The following RMC1 variants were observed in gnomAD, a reference collection of about 807,000 sequenced individuals.
RMC1 encodes regulator of MON1-CCZ1.
Under a neutral mutation model 95.5 loss-of-function variants are expected in RMC1, and 44 were observed. That is an observed-to-expected ratio of 0.46 (90% CI 0.36 to 0.59). The LOEUF (loss-of-function observed/expected upper bound fraction) is 0.59, where lower values mean the gene tolerates loss of function less well. Ranked by LOEUF, RMC1 falls within the 20% of genes least tolerant of loss-of-function variation. The probability of loss-of-function intolerance (pLI) is 0.00; values close to 1 mark genes in which losing one functional copy is unlikely to be tolerated. For synonymous variants in RMC1, 320 were observed against 303.6 expected (o/e 1.05, Z -0.56); for missense variants, 705 against 819.6 (o/e 0.86, Z 1.71).
chr18:23,503,706 G>A lies in RMC1; in HGVS notation c.88G>A (p.Glu30Lys). 1 of 1,591,334 alleles carries A rather than the reference G, an allele frequency of 6.3e-7. No homozygotes were observed. The highest frequency in any genetic ancestry group is 8.6e-7 in the Non-Finnish European group (1 of 1,169,544). The part of the protein sequence containing the change: ...ANPVNCVFFD[E>K]ANKQVFAVRS... ...CCCTGTCAACTGCGTCTTCTTCGATGAGGCCAACAAGCAGGTCCGGCGCGC... is the reference window on the plus strand; with the variant it reads ...CCCTGTCAACTGCGTCTTCTTCGATAAGGCCAACAAGCAGGTCCGGCGCGC... The change falls in exon 1 of 20, where the codon GAG (glutamate) becomes AAG (lysine). Residue 30 changes from glutamate to lysine, a missense_variant. Transcript: ENST00000269221.
Position 23,524,130 on chromosome 18 carries a change from G to T in RMC1, c.962G>T (p.Gly321Val). 6.2e-7 allele frequency: 1 copy of T among 1,614,022 alleles called. No individual in the cohort carries two copies. Among genetic ancestry groups the T allele is most frequent in the Non-Finnish European group, 8.5e-7 (1 of 1,180,026 alleles). ...GCACTTATGTTTTCTCAATTTGTAGGTCCTGCTGCCGTGACCAGCCAGTCT... is the reference window on the plus strand; with the variant it reads ...GCACTTATGTTTTCTCAATTTGTAGTTCCTGCTGCCGTGACCAGCCAGTCT... The part of the protein sequence containing the change: ...SIQPYQIPIT[G>V]PAAVTSQSPV... Residue 321 changes from glycine to valine, a missense_variant and splice_region_variant, in exon 11 of 20, where the codon GGT (glycine) becomes GTT (valine). Coordinates refer to ENST00000269221, the MANE Select transcript of RMC1 (RefSeq NM_013326.5).
intron 10 of RMC1, among the ~76,000 whole-genome samples, chr18:23,520,675 G>T (rs1277900662): frequency 6.6e-6 from 1 of 151,304 alleles, no homozygotes; most frequent in Non-Finnish European, 1.5e-5. Flanking sequence ...TCACTTTGTT[G>T]CCCAGGCTGG....
chr18:23,519,002 C>G, intron 8 of RMC1, 23 bp downstream of exon 8: 1 of 1,613,242 alleles, frequency 6.2e-7, no homozygotes, highest in Non-Finnish European at 8.5e-7. Context: ...CTTTGTTTTC[C>G]CTCTCTCTCT....
intron 6 of RMC1, 107 bp from the exon 7 acceptor site, chr18:23,516,213 G>T: frequency 7.1e-7 from 1 of 1,411,624 alleles, no homozygotes; most frequent in South Asian, 1.2e-5. Flanking sequence ...CGGTGGAAAG[G>T]ATCCAAAGAC....
intron 19 of RMC1, 94 bp from the exon 20 acceptor site, chr18:23,531,529 AAT>A (rs1206354112): frequency 1.3e-6 from 2 of 1,525,520 alleles, no homozygotes; most frequent in East Asian, 2.3e-5. Flanking sequence ...ATTAAAGAAA[AAT>A]AAGTTAAAAC....
At chr18:23,521,691 C>G (rs529123886) in intron 10 of RMC1, among the ~76,000 whole-genome samples, 1,705 of 71,720 alleles carry the variant, frequency 0.024, 35 homozygotes, top group African/African-American at 0.13. Context: ...CACACACTCT[C>G]TCTCTTTTTT....
At chr18:23,530,672 T>C in intron 19 of RMC1, 60 bp downstream of exon 19, 1 of 1,511,984 alleles carries the variant, frequency 6.6e-7, no homozygotes, top group Non-Finnish European at 9.0e-7. Context: ...CAGAGGGCAC[T>C]GGCAGCTGGT....
intron 19 of RMC1, among the ~76,000 whole-genome samples, chr18:23,531,044 G>T (rs2058486269): frequency 6.6e-6 from 1 of 152,092 alleles, no homozygotes; most frequent in Non-Finnish European, 1.5e-5. Context: ...GCCCAGGCTG[G>T]AGTGCAGTGG....
chr18:23,504,093 CTG>C lies in RMC1; in HGVS notation c.103-276_103-275del, dbSNP rs1327087484. Among the ~76,000 whole-genome samples the C allele has an allele frequency of 2.6e-5, 4 of 152,300 alleles. No homozygotes were observed. The East Asian group carries it at 5.8e-4, about 22-fold the overall frequency. On this transcript the variant is annotated intron_variant, in intron 1 of 19. Transcript: ENST00000269221. ...TGAAATTTTGTAAAGGGGGAAAAGA[CTG>C]TACTTCAGGCGTATCAGCGGCGCCG...
chr18:23,525,928 T>C (rs1219338600), intron 12 of RMC1, among the ~76,000 whole-genome samples: 1 of 152,270 alleles, frequency 6.6e-6, no homozygotes, highest in Admixed American at 6.5e-5. Context: ...TGCATTGTTG[T>C]GCCTTGTCTG....
At chr18:23,528,059 G>A (rs2058359846) in intron 14 of RMC1, 158 bp downstream of exon 14, 1 of 580,336 alleles carries the variant, frequency 1.7e-6, no homozygotes, top group East Asian at 3.0e-5. Context: ...GGGGGATAGT[G>A]GAGGAGTAGT....
At chr18:23,518,013 C>A (rs1043811346) in intron 7 of RMC1, among the ~76,000 whole-genome samples, 1 of 152,220 alleles carries the variant, frequency 6.6e-6, no homozygotes, top group African/African-American at 2.4e-5. Context: ...CCGCCGTGCC[C>A]AGCCAGCATT....
rs200032808 is a variant in RMC1 at position 23,530,262 on chromosome 18, C to A, written c.1633C>A (p.Pro545Thr). 6.2e-7 allele frequency: 1 copy of A among 1,614,092 alleles called. No homozygotes were observed. Among genetic ancestry groups the A allele is most frequent in the Non-Finnish European group, 8.5e-7 (1 of 1,180,026 alleles). ...CLLLSLESFY[P>T]PAHQLSLDML... is the part of the protein sequence containing the mutation. ...GCTGTTATCCCTAGAGAGTTTCTAT[C>A]CTCCTGCTCATCAGCTATCTCTGGA... Residue 545 changes from proline (P) to threonine (T), a missense_variant, in exon 18 of 20, where the codon CCT becomes ACT. Coordinates refer to ENST00000269221, the MANE Select transcript of RMC1 (RefSeq NM_013326.5).
intron 14 of RMC1, 165 bp downstream of exon 14, chr18:23,528,066 T>G (rs1222910470): frequency 1.7e-6 from 1 of 572,024 alleles, no homozygotes; most frequent in Non-Finnish European, 3.0e-6. Flanking sequence ...AGTGGAGGAG[T>G]AGTAAATTCA....
At chr18:23,531,504 A>AAAAC in intron 19 of RMC1, 121 bp from the exon 20 acceptor site, 1 of 1,487,350 alleles carries the variant, frequency 6.7e-7, no homozygotes. Context: ...AAAACTTAGG[A>AAAAC]AAACAATGTA....
chr18:23,530,277 C>T lies in RMC1; in HGVS notation c.1648C>T (p.Leu550=). 1 of 1,614,224 alleles carries T rather than the reference C, an allele frequency of 6.2e-7. No individual in the cohort carries two copies. The highest frequency in any genetic ancestry group is 8.5e-7 in the Non-Finnish European group (1 of 1,180,036). Residue 550 remains leucine, a synonymous_variant, in exon 18 of 20, where the codon CTA becomes TTA. Coordinates refer to ENST00000269221, the MANE Select transcript of RMC1 (RefSeq NM_013326.5). ...GAGTTTCTATCCTCCTGCTCATCAG[C>T]TATCTCTGGACATGCTGAAGGTAAC... ...LESFYPPAHQ[L]SLDMLKRLST...
intron 5 of RMC1, among the ~76,000 whole-genome samples, chr18:23,510,334 C>A (rs1306005695): frequency 2.7e-5 from 4 of 149,588 alleles, no homozygotes; most frequent in South Asian, 2.1e-4. Flanking sequence ...AAAAAAAAAA[C>A]AAAAACACAA....
chr18:23,515,752 C>A, intron 5 of RMC1, 104 bp from the exon 6 acceptor site: 7 of 1,372,634 alleles, frequency 5.1e-6, no homozygotes, highest in Non-Finnish European at 7.1e-6. Flanking sequence ...AGGCTGGTCT[C>A]GAACTCCTGA....
At chr18:23,523,358 C>G (rs1005618896) in intron 10 of RMC1, among the ~76,000 whole-genome samples, 22 of 151,956 alleles carry the variant, frequency 1.4e-4, no homozygotes. Context: ...GTCTGCTTCC[C>G]AGACGAGCTC....
Sources: gnomAD v4.1 joint callset for allele counts (sites outside exome capture counted in the v4.1 genomes callset) on GRCh38, gnomAD v4.1.1 for gene constraint, MANE v1.5 for transcripts, NCBI Gene and HGNC (gene_info 2026-07-23, HGNC 2026-07-21) for gene names.